Variants in PPP4R2 observed in about 807,000 individuals in gnomAD.
PPP4R2 encodes the protein protein phosphatase 4 regulatory subunit 2.
Under a neutral mutation model 47.2 loss-of-function variants are expected in PPP4R2, and 13 were observed. The observed-to-expected ratio is 0.28, with a 90% CI of 0.18 to 0.44. PPP4R2 has a LOEUF of 0.44. PPP4R2 is among the 20% of genes least tolerant of loss of function. The probability of loss-of-function intolerance (pLI) is 1.00; values close to 1 mark genes in which losing one functional copy is unlikely to be tolerated. For missense variants in PPP4R2, 421 were observed against 491.2 expected, an observed-to-expected ratio of 0.86 and a Z score of 1.35; for synonymous variants, 151 against 163.3, an observed-to-expected ratio of 0.92 and a Z score of 0.57.
intron 5 of PPP4R2, chr3:73,063,194 T>C (rs1464007574): frequency 1.7e-5 from 7 of 403,578 alleles, no homozygotes; most frequent in Non-Finnish European, 3.2e-5. Flanking sequence ...CCTGATGTTA[T>C]ACCAGGATCA....
At chr3:73,030,361 T>C (rs1702145653) in intron 2 of PPP4R2, among the ~76,000 whole-genome samples, 1 of 152,144 alleles carries the variant, frequency 6.6e-6, no homozygotes, top group Admixed American at 6.5e-5. Flanking sequence ...ACCCTGGAAA[T>C]TCCCTATTGT....
intron 2 of PPP4R2, among the ~76,000 whole-genome samples, chr3:73,002,889 A>G (rs1373236377): frequency 2.6e-5 from 4 of 151,476 alleles, no homozygotes. Flanking sequence ...TGATCCATCC[A>G]CCTTGGCCTC....
At chr3:73,021,232 A>T (rs74571603) in intron 2 of PPP4R2, among the ~76,000 whole-genome samples, 11 of 114,732 alleles carry the variant, frequency 9.6e-5, no homozygotes, top group African/African-American at 3.2e-4. Flanking sequence ...ATTAAAAAAA[A>T]ATTTTTTTTT....
At chr3:73,033,615 CCAT>C (rs1159434486) in intron 2 of PPP4R2, among the ~76,000 whole-genome samples, 1 of 152,174 alleles carries the variant, frequency 6.6e-6, no homozygotes, top group Non-Finnish European at 1.5e-5. Flanking sequence ...TGTTGTAGAG[CCAT>C]CATCATTATT....
At chr3:73,017,651 T>G (rs977308221) in intron 2 of PPP4R2, among the ~76,000 whole-genome samples, 1 of 152,018 alleles carries the variant, frequency 6.6e-6, no homozygotes. Flanking sequence ...ATCATATATA[T>G]GCATTTTGGA....
At chr3:73,004,999 G>A (rs565629721) in intron 2 of PPP4R2, among the ~76,000 whole-genome samples, 94 of 140,430 alleles carry the variant, frequency 6.7e-4, no homozygotes, top group African/African-American at 2.2e-3. Flanking sequence ...GTTTTGAGTC[G>A]GAGTCTTGCT....
intron 3 of PPP4R2, among the ~76,000 whole-genome samples, chr3:73,057,321 A>G (rs1702749351): frequency 2.0e-5 from 3 of 152,148 alleles, no homozygotes; most frequent in South Asian, 4.1e-4. Flanking sequence ...TTATTGTTTC[A>G]TACTTAGTAA....
intron 2 of PPP4R2, among the ~76,000 whole-genome samples, chr3:73,004,156 C>G (rs1219135207): frequency 6.6e-6 from 1 of 151,256 alleles, no homozygotes; most frequent in African/African-American, 2.4e-5. Context: ...ATGTGTATGT[C>G]TTGTATGTTG....
At chr3:73,054,361 G>T (rs1702685386) in intron 3 of PPP4R2, among the ~76,000 whole-genome samples, 1 of 152,170 alleles carries the variant, frequency 6.6e-6, no homozygotes, top group African/African-American at 2.4e-5. Context: ...AGTAGAGAAA[G>T]AACATACTGC....
intron 2 of PPP4R2, among the ~76,000 whole-genome samples, chr3:73,008,906 C>G (rs967872020): frequency 2.0e-5 from 3 of 152,062 alleles, no homozygotes; most frequent in South Asian, 2.1e-4. Context: ...ACTATATGAC[C>G]AAGGCTGACT....
At position 73,014,537 on chromosome 3, in the gene PPP4R2, A is replaced by G. The variant is rs531750720; in HGVS notation, c.116+16379A>G. Among the ~76,000 whole-genome samples, 17 of 151,810 alleles carry G rather than the reference A, an allele frequency of 1.1e-4. 1 individual carries two copies. The highest frequency in any genetic ancestry group is 5.2e-4 in the Admixed American group (8 of 15,244). ...AACTGAGAATTGCTGAACTCAAGCA[A>G]TTCTCCCACCTTGGCCTCCCAAAGT... On this transcript the variant is annotated intron_variant, in intron 2 of 8. Coordinates refer to ENST00000356692, the MANE Select transcript of PPP4R2 (RefSeq NM_174907.4).
At chr3:73,005,770 TACAGTGAGCCGAGCTCACGTCGTTGC>T in intron 2 of PPP4R2, among the ~76,000 whole-genome samples, 1 of 144,504 alleles carries the variant, frequency 6.9e-6, no homozygotes, top group South Asian at 2.2e-4. Flanking sequence ...AGGCAGAGGT[TACAGTGAGCCGAGCTCACGTCGTTGC>T]ACTCCAGTCT....
Position 73,063,681 on chromosome 3 carries a change from A to G in PPP4R2, c.428A>G (p.Asn143Ser), listed in dbSNP as rs776232181. ...ATTTTCTTTTCTTATAGGAAAAACA[A>G]TTCCAATAGTTTAAATCGAATGAAT... The part of the protein sequence containing the change: ...SCVYPSSEKN[N>S]SNSLNRMNGV... The change falls in exon 6 of 9, where the codon AAT (asparagine) becomes AGT (serine). Residue 143 changes from asparagine (N) to serine (S), a missense_variant. Asn to Ser is a conservative substitution (Grantham distance 46). Transcript: ENST00000356692. The G allele has an allele frequency of 1.9e-6, 3 of 1,582,740 alleles. No homozygotes were observed. Among genetic ancestry groups the G allele is most frequent in the Admixed American group, 1.7e-5 (1 of 59,938 alleles).
intron 2 of PPP4R2, among the ~76,000 whole-genome samples, chr3:73,008,660 G>C (rs560692190): frequency 6.6e-6 from 1 of 152,246 alleles, no homozygotes; most frequent in East Asian, 1.9e-4. Flanking sequence ...TAAAAAAATG[G>C]GGTTTGTACC....
intron 4 of PPP4R2, 79 bp downstream of exon 4, chr3:73,059,209 T>A: frequency 1.5e-6 from 1 of 685,200 alleles, no homozygotes; most frequent in Non-Finnish European, 2.4e-6. Context: ...GAGTAAGATC[T>A]GTTTCGGGTA....
intron 5 of PPP4R2, chr3:73,063,227 A>G (rs7640805): frequency 0.49 from 159,094 of 322,272 alleles, 40,648 homozygotes; most frequent in South Asian, 0.58. Flanking sequence ...CCTTTGCTTC[A>G]AATGGCATCT....
In PPP4R2 at chr3:73,064,993, C is replaced by T; in HGVS notation, c.780C>T (p.Ala260=). 6.2e-7 allele frequency: 1 copy of T among 1,613,852 alleles called. No homozygotes were observed. The highest frequency in any genetic ancestry group is 8.5e-7 in the Non-Finnish European group (1 of 1,179,818). ...AAGAAGGTGAAGTCAGAGAAACAGC[C>T]AGTCAAACGACTTCCAGCGAAATTT... The part of the protein sequence containing the change: ...FDKEGEVRET[A]SQTTSSEISS... Residue 260 remains alanine, a synonymous_variant, in exon 8 of 9, where the codon GCC becomes GCT. Transcript: ENST00000356692.
chr3:73,001,260 A>G (rs890012393), intron 2 of PPP4R2, among the ~76,000 whole-genome samples: 11 of 151,996 alleles, frequency 7.2e-5, no homozygotes, highest in African/African-American at 1.9e-4. Context: ...GGTAAAATAT[A>G]CTTATATAAT....
intron 5 of PPP4R2, chr3:73,062,289 C>CT: frequency 1.2e-6 from 2 of 1,607,654 alleles, no homozygotes; most frequent in African/African-American, 2.7e-5. Flanking sequence ...CAGGAGTGGG[C>CT]TCCCTGACCT....
Sources: allele counts gnomAD v4.1 joint callset (sites outside exome capture counted in the v4.1 genomes callset), GRCh38; gene constraint gnomAD v4.1.1; transcripts MANE v1.5; gene names NCBI Gene and HGNC (gene_info 2026-07-23, HGNC 2026-07-21).